CYP7B1: variants seen among roughly 807,000 people sequenced by gnomAD.
The protein encoded by CYP7B1 is cytochrome P450 family 7 subfamily B member 1, also known as cytochrome P450 7B1.
A neutral mutation model predicts 42.7 loss-of-function variants in CYP7B1; 29 were observed. That is an observed-to-expected ratio of 0.68 (90% confidence interval 0.51 to 0.93). The LOEUF is 0.93. Ranked by LOEUF, CYP7B1 falls within the 40% of genes least tolerant of loss-of-function variation. The probability of loss-of-function intolerance (pLI) is 0.00; values close to 1 mark genes in which losing one functional copy is unlikely to be tolerated. For missense variants in CYP7B1, 655 were observed against 600.5 expected, an observed-to-expected ratio of 1.09 and a Z score of -0.95; for synonymous variants, 235 against 218.2, an observed-to-expected ratio of 1.08 and a Z score of -0.68.
At chr8:64,697,714 C>G (rs1806850576) in intron 1 of CYP7B1, among the ~76,000 whole-genome samples, 1 of 152,156 alleles carries the variant, frequency 6.6e-6, no homozygotes, top group Non-Finnish European at 1.5e-5. Context: ...CAATATGTAC[C>G]CAGAGACTAT....
intron 1 of CYP7B1, among the ~76,000 whole-genome samples, chr8:64,732,454 C>A (rs921031528): frequency 6.6e-6 from 1 of 152,146 alleles, no homozygotes. Flanking sequence ...AATGCCTGTA[C>A]CCCCATTGTA....
At chr8:64,793,351 T>A (rs1221498717) in intron 1 of CYP7B1, among the ~76,000 whole-genome samples, 4 of 152,242 alleles carry the variant, frequency 2.6e-5, no homozygotes, top group Non-Finnish European at 5.9e-5. Context: ...CATCTTATAT[T>A]TATTTTAATT....
chr8:64,727,803 A>G (rs1196973825), intron 1 of CYP7B1, among the ~76,000 whole-genome samples: 1 of 152,228 alleles, frequency 6.6e-6, no homozygotes, highest in South Asian at 2.1e-4. Context: ...CAGAACTCCA[A>G]TGGTATCTTC....
At position 64,615,614 on chromosome 8, in the gene CYP7B1, G is replaced by A. The variant is rs920741181; in HGVS notation, c.850+77C>T. On this transcript the variant is annotated intron_variant, in intron 3 of 5. Transcript: ENST00000310193. ...AAGAGCATAAAAAATTTTCAAGGTC[G>A]CCATTTTGTCTTTTTATTTCAGAGG... 97 of 1,416,630 alleles carry A rather than the reference G, an allele frequency of 6.8e-5. No homozygotes were observed. In the Admixed American group the frequency reaches 1.3e-3, roughly 18 times the overall value. 87.8% of individuals were successfully genotyped at this position (1,416,630 alleles called of 1,614,324 possible). A position where few individuals can be genotyped will look rare whatever the true frequency, so the allele number is the denominator to read the frequency against.
intron 1 of CYP7B1, among the ~76,000 whole-genome samples, chr8:64,794,401 G>C (rs900019825): frequency 2.6e-5 from 4 of 152,196 alleles, no homozygotes; most frequent in African/African-American, 9.7e-5. Context: ...AATTCAGACT[G>C]CTATTGCAAA....
Position 64,691,489 on chromosome 8 carries a change from G to GGA in CYP7B1, c.123-66951_123-66950insTC, listed in dbSNP as rs1057339496. On this transcript the variant is annotated intron_variant, in intron 1 of 5. Transcript: ENST00000310193. ...TATGGTTGCGATGGCAACTGGGGGG[G>GGA]GGGGGTGGTGGTTAAAGCTGGAATG... Among the ~76,000 whole-genome samples, 7 of 145,212 alleles carry GGA rather than the reference G, an allele frequency of 4.8e-5. 1 individual carries two copies. The highest frequency in any genetic ancestry group is 8.9e-5 in the Non-Finnish European group (6 of 67,190).
At chr8:64,798,365 C>T in intron 1 of CYP7B1, 101 bp downstream of exon 1, 5 of 1,393,600 alleles carry the variant, frequency 3.6e-6, no homozygotes, top group Non-Finnish European at 4.6e-6. Context: ...TTCTGACTGT[C>T]TGCACTGGAA....
At chr8:64,682,032 T>C (rs1009448646) in intron 1 of CYP7B1, among the ~76,000 whole-genome samples, 4 of 152,124 alleles carry the variant, frequency 2.6e-5, no homozygotes, top group South Asian at 2.1e-4. Context: ...AGATTTATTA[T>C]TGGAGTGGCA....
chr8:64,598,497 G>C (rs2129629793), intron 5 of CYP7B1, among the ~76,000 whole-genome samples: 1 of 152,256 alleles, frequency 6.6e-6, no homozygotes, highest in South Asian at 2.1e-4. Flanking sequence ...CTTTGCTATG[G>C]TATGATTTAT....
intron 1 of CYP7B1, among the ~76,000 whole-genome samples, chr8:64,772,177 A>G (rs1159028556): frequency 6.6e-6 from 1 of 152,232 alleles, no homozygotes; most frequent in African/African-American, 2.4e-5. Flanking sequence ...CTATGAAGGA[A>G]ATAATCCATG....
At chr8:64,671,175 C>T (rs1806362087) in intron 1 of CYP7B1, among the ~76,000 whole-genome samples, 1 of 151,844 alleles carries the variant, frequency 6.6e-6, no homozygotes, top group Non-Finnish European at 1.5e-5. Context: ...TATGTAAATG[C>T]CTCCCCCTCC....
At chr8:64,785,565 A>C (rs563293434) in intron 1 of CYP7B1, among the ~76,000 whole-genome samples, 1 of 152,216 alleles carries the variant, frequency 6.6e-6, no homozygotes, top group East Asian at 1.9e-4. Flanking sequence ...ACATGGAAAA[A>C]CCTTAAAGGC....
At chr8:64,699,769 C>A (rs976114363) in intron 1 of CYP7B1, among the ~76,000 whole-genome samples, 1 of 151,958 alleles carries the variant, frequency 6.6e-6, no homozygotes, top group Non-Finnish European at 1.5e-5. Context: ...TACTGGAAAA[C>A]CCTCATAATG....
intron 1 of CYP7B1, among the ~76,000 whole-genome samples, chr8:64,761,476 G>C (rs75575181): frequency 0.028 from 4,297 of 152,058 alleles, 205 homozygotes; most frequent in African/African-American, 0.098. Flanking sequence ...TACCAATTAT[G>C]TGTCAATAAA....
intron 4 of CYP7B1, among the ~76,000 whole-genome samples, chr8:64,605,658 T>C (rs538215581): frequency 4.0e-4 from 61 of 152,202 alleles, no homozygotes; most frequent in Non-Finnish European, 7.8e-4. Flanking sequence ...TATCAGCGTG[T>C]AGCTCCTGTC....
intron 1 of CYP7B1, among the ~76,000 whole-genome samples, chr8:64,725,530 C>T (rs934359051): frequency 3.9e-5 from 6 of 152,206 alleles, no homozygotes; most frequent in Non-Finnish European, 8.8e-5. Context: ...CTCCCTGACT[C>T]TTGCCCTAGG....
intron 1 of CYP7B1, among the ~76,000 whole-genome samples, chr8:64,633,093 G>T (rs1328847905): frequency 1.3e-5 from 2 of 152,098 alleles, no homozygotes; most frequent in Admixed American, 6.5e-5. Flanking sequence ...CAGATATGAA[G>T]AAATAAATTT....
Position 64,618,570 on chromosome 8 carries a change from T to TTCTCTCTCTCTCTCTCTCTCTC in CYP7B1, c.260-2290_260-2289insGAGAGAGAGAGAGAGAGAGAGA, listed in dbSNP as rs10530120. On this transcript the variant is annotated intron_variant, in intron 2 of 5. Transcript: ENST00000310193. ...ATCATTACAAATACACACATTCATT[T>TTCTCTCTCTCTCTCTCTCTCTC]TCTCTCTCTCTCTCTCTCTTTCTCT... Among the ~76,000 whole-genome samples, 444 of 146,332 alleles carry TTCTCTCTCTCTCTCTCTCTCTC rather than the reference T, an allele frequency of 3.0e-3. 8 individuals carry two copies. Among genetic ancestry groups the TTCTCTCTCTCTCTCTCTCTCTC allele is most frequent in the African/African-American group, 0.011 (433 of 39,338 alleles).
rs1422078647 is a variant in CYP7B1, at chr8:64,591,763, G to C, written c.*4879C>G. On this transcript the variant is annotated 3_prime_UTR_variant, in exon 6 of 6. Transcript: ENST00000310193. ...AGCATGCCTGATTTAGTGATAGGTA[G>C]CTTTTTCTTAACCACTTCAGGGCTT... Among the ~76,000 whole-genome samples, 1 of 152,132 alleles carries C rather than the reference G, an allele frequency of 6.6e-6. No homozygotes were observed. The highest frequency in any genetic ancestry group is 1.5e-5 in the Non-Finnish European group (1 of 68,024).
Sources: allele counts gnomAD v4.1 joint callset (sites outside exome capture counted in the v4.1 genomes callset), GRCh38; gene constraint gnomAD v4.1.1; transcripts MANE v1.5; gene names NCBI Gene and HGNC (gene_info 2026-07-23, HGNC 2026-07-21).